The following PRDM15 variants were observed in gnomAD, a reference collection of about 807,000 sequenced individuals.
PRDM15 encodes PR domain zinc finger protein 15.
PRDM15 carries 64 observed loss-of-function variants against 128.6 expected under a neutral mutation model. The ratio of observed to expected loss-of-function variants is 0.50; its 90% CI spans 0.41 to 0.61. The LOEUF is 0.61. PRDM15 is among the 20% of genes least tolerant of loss of function. PRDM15 has a pLI of 0.00. For missense variants in PRDM15, 1,242 were observed against 1,569.1 expected, an observed-to-expected ratio of 0.79 and a Z score of 3.52; for synonymous variants, 615 against 621.8, an observed-to-expected ratio of 0.99 and a Z score of 0.16.
chr21:41,801,461 C>A lies in PRDM15; in HGVS notation c.3205G>T (p.Ala1069Ser). 6.2e-7 allele frequency: 1 copy of A among 1,614,200 alleles called. No homozygotes were observed. ...TGGGCCACAGACTGTGGGTTCGAGG[C>A]TTCCGGCTGGGGGTGGATCTGGACG... ...NDVQIHPQPE[A>S]SNPQSVAHFI... Residue 1069 changes from alanine to serine, a missense_variant, in exon 24 of 24, where the codon GCC (alanine) becomes TCC (serine). Transcript: ENST00000398548.
intron 7 of PRDM15, among the ~76,000 whole-genome samples, chr21:41,838,407 T>C (rs2062965706): frequency 6.6e-6 from 1 of 152,242 alleles, no homozygotes; most frequent in African/African-American, 2.4e-5. Flanking sequence ...ACATCAATTC[T>C]GACAGAGTTT....
intron 1 of PRDM15, chr21:41,872,040 T>C (rs181759173): frequency 1.3e-3 from 202 of 155,512 alleles, no homozygotes; most frequent in Admixed American, 2.4e-3. Context: ...AGCTATTATA[T>C]AGCTAGAAAT....
At position 41,836,493 on chromosome 21, in the gene PRDM15, G is replaced by A. The variant is rs765444752; in HGVS notation, c.1158C>T (p.Asn386=). The change falls in exon 9 of 24, where the codon AAC becomes AAT. Residue 386 remains asparagine, a synonymous_variant. Coordinates refer to ENST00000398548, the MANE Select transcript of PRDM15 (RefSeq NM_001040424.3). ...ICSKIFQNSS[N]LSRHVRSHGD... ...CATGCGAGCGCACGTGCCTGCTCAG[G>A]TTGCTGCTGTTCTGGAAGATCTTGC... 3 of 1,611,918 alleles carry A rather than the reference G, an allele frequency of 1.9e-6. No individual in the cohort carries two copies. In the South Asian group the frequency reaches 3.3e-5, roughly 18 times the overall value.
intron 18 of PRDM15, among the ~76,000 whole-genome samples, chr21:41,818,481 TC>T (rs1294878428): frequency 6.6e-6 from 1 of 151,808 alleles, no homozygotes; most frequent in Non-Finnish European, 1.5e-5. Context: ...CCATGTGCCG[TC>T]CTTGCGCAAA....
At position 41,810,513 on chromosome 21, in the gene PRDM15, G is replaced by T; in HGVS notation, c.2477-184C>A. ...GAGCACAGAGCCTCTGTCCCTTGGG[G>T]AGCACTGCCAGCAGCAGCTGCATCA... On this transcript the variant is annotated intron_variant, in intron 20 of 23. Transcript: ENST00000398548. The surrounding 1 kb of genome is among the most constrained non-coding windows in gnomAD (Gnocchi z 6.4). 1.5e-6 allele frequency: 1 copy of T among 673,398 alleles called. No homozygotes were observed. Among genetic ancestry groups the T allele is most frequent in the Non-Finnish European group, 2.5e-6 (1 of 399,978 alleles). 41.7% of individuals were successfully genotyped at this position (673,398 alleles called of 1,614,324 possible). A position where few individuals can be genotyped will look rare whatever the true frequency, so the allele number is the denominator to read the frequency against.
intron 1 of PRDM15, among the ~76,000 whole-genome samples, chr21:41,867,800 T>TTACA (rs2064066104): frequency 6.6e-6 from 1 of 152,194 alleles, no homozygotes; most frequent in Admixed American, 6.5e-5. Context: ...CTCATGCTTG[T>TTACA]AATCCCAGCA....
chr21:41,848,834 G>A (rs547250504), intron 5 of PRDM15, among the ~76,000 whole-genome samples: 2 of 152,108 alleles, frequency 1.3e-5, no homozygotes, highest in South Asian at 2.1e-4. Flanking sequence ...AAGCACTCAG[G>A]GTTTTCCGAA....
chr21:41,854,514 C>G lies in PRDM15; in HGVS notation c.538+52G>C, dbSNP rs1164442912. ...GCACAGAGCCAAGGGACCATAACCC[C>G]TTCGGCGAGGCACAAGGGAAGGTGG... On this transcript the variant is annotated intron_variant, in intron 5 of 23. Transcript: ENST00000398548. This position sits in a 1 kb window ranked among gnomAD's most constrained non-coding sequence, Gnocchi z 4.6. 6.2e-6 allele frequency: 10 copies of G among 1,602,180 alleles called. No homozygotes were observed. The highest frequency in any genetic ancestry group is 2.7e-5 in the African/African-American group (2 of 75,000).
chr21:41,814,015 TGTTTTATGAGAATGCCTC>T (rs2061954373), intron 19 of PRDM15: 1 of 151,246 alleles, frequency 6.6e-6, no homozygotes, highest in Non-Finnish European at 1.5e-5. Flanking sequence ...GGTGCTCTAG[TGTTTTATGAGAATGCCTC>T]GTGTTAGTGA....
chr21:41,859,632 C>T lies in PRDM15; in HGVS notation c.91G>A (p.Val31Met). 1 of 1,614,068 alleles carries T rather than the reference C, an allele frequency of 6.2e-7. No homozygotes were observed. Residue 31 changes from valine (V) to methionine (M), a missense_variant, in exon 3 of 24, where the codon GTG becomes ATG. Physicochemically the swap from Val to Met is conservative, Grantham distance 21. Transcript: ENST00000398548. The surrounding 1 kb of genome is among the most constrained non-coding windows in gnomAD (Gnocchi z 5.3). ...ACAAAGGAGTCTTTGACCATGACCACTGGGCCCAGCTCGGGACATTCGGAG... is the reference window on the plus strand; with the variant it reads ...ACAAAGGAGTCTTTGACCATGACCATTGGGCCCAGCTCGGGACATTCGGAG... Reference protein sequence around the residue: ...HDSECPELGPVVMVKDSFVLS... With the variant: ...HDSECPELGPMVMVKDSFVLS...
chr21:41,806,057 C>T (rs201993371), intron 21 of PRDM15, among the ~76,000 whole-genome samples: 48 of 3,598 alleles, frequency 0.013, no homozygotes, highest in South Asian at 0.017. Flanking sequence ...ACCACCACCA[C>T]CATCACCATC....
At chr21:41,861,965 G>C (rs758650489) in intron 1 of PRDM15, 2 of 1,614,018 alleles carry the variant, frequency 1.2e-6, no homozygotes, top group Non-Finnish European at 1.7e-6. Flanking sequence ...TAGCAAGTGT[G>C]ACTCAGTTTC....
chr21:41,856,840 G>A (rs1463067269), intron 4 of PRDM15, among the ~76,000 whole-genome samples: 1 of 152,174 alleles, frequency 6.6e-6, no homozygotes, highest in Non-Finnish European at 1.5e-5. Flanking sequence ...TAACTAGAGC[G>A]ATGGGCCCCT....
In PRDM15 at chr21:41,802,795, A is replaced by G; in HGVS notation, c.2860T>C (p.Phe954Leu). ...AGAPVPEDATFSEYSEKETEF... is the reference protein window; with the variant it reads ...AGAPVPEDATLSEYSEKETEF... ...GTCTCTTTCTCTGAGTATTCGCTGA[A>G]GGTGGCGTCCTCGGGCACCGGAGCA... The change falls in exon 23 of 24, where the codon TTC becomes CTC. Residue 954 changes from phenylalanine (F) to leucine (L), a missense_variant. Physicochemically the swap from Phe to Leu is conservative, Grantham distance 22 (BLOSUM62 0). Coordinates refer to ENST00000398548, the MANE Select transcript of PRDM15 (RefSeq NM_001040424.3). 2 of 1,614,210 alleles carry G rather than the reference A, an allele frequency of 1.2e-6. No individual in the cohort carries two copies. The highest frequency in any genetic ancestry group is 8.5e-7 in the Non-Finnish European group (1 of 1,180,032).
rs112751858 is a variant in PRDM15, at chr21:41,828,763, AC to A, written c.1367-431del. ...CAACCAACCACCCGAGCAACTGACC[AC>A]CCGACCAATGTGGCCGCCCCTGCCC... is the stretch of plus-strand genomic sequence containing the variant. On this transcript the variant is annotated intron_variant, in intron 11 of 23. Transcript: ENST00000398548. This position sits in a 1 kb window ranked among gnomAD's most constrained non-coding sequence, Gnocchi z 5.7. Among the ~76,000 whole-genome samples, 85,827 of 151,530 alleles carry A rather than the reference AC, an allele frequency of 0.57. 24,662 individuals are homozygous for A. The highest frequency in any genetic ancestry group is 0.65 in the Admixed American group (9,887 of 15,258).
At chr21:41,841,400 T>G (rs536335054) in intron 6 of PRDM15, among the ~76,000 whole-genome samples, 1 of 152,204 alleles carries the variant, frequency 6.6e-6, no homozygotes, top group South Asian at 2.1e-4. Flanking sequence ...AACCCAAAAT[T>G]CAATATCCGG....
At chr21:41,869,101 T>C (rs1007294884) in intron 1 of PRDM15, among the ~76,000 whole-genome samples, 1 of 152,154 alleles carries the variant, frequency 6.6e-6, no homozygotes, top group Non-Finnish European at 1.5e-5. Context: ...ATTTTCTCCC[T>C]GTCTGGGGCT....
rs1460406251 is a variant in PRDM15 at position 41,830,147 on chromosome 21, CCACA to C, written c.1367-1818_1367-1815del. ...CAAAAATACACATTCAACACACACC[CCACA>C]CAAATACACACACAACACACACATT... On this transcript the variant is annotated intron_variant, in intron 11 of 23. Transcript: ENST00000398548. 7.6e-3 allele frequency among the ~76,000 whole-genome samples: 1,150 copies of C among 150,872 alleles called. 20 individuals are homozygous for C. The highest frequency in any genetic ancestry group is 0.026 in the African/African-American group (1,075 of 41,120).
In PRDM15 at chr21:41,821,288, A is replaced by G. The variant is rs2062253379; in HGVS notation, c.1897-58T>C. 1.9e-6 allele frequency: 3 copies of G among 1,599,918 alleles called. No homozygotes were observed. The highest frequency in any genetic ancestry group is 1.7e-5 in the Admixed American group (1 of 59,726). On this transcript the variant is annotated intron_variant, in intron 15 of 23. Transcript: ENST00000398548. The surrounding 1 kb of genome is among the most constrained non-coding windows in gnomAD (Gnocchi z 5.4). ...CCCGCATGAGGTCCCTGGTCCTCTT[A>G]GCTAATGAGGTCGTGTCCACAAACC...
Sources: gnomAD v4.1 joint callset for allele counts (sites outside exome capture counted in the v4.1 genomes callset) on GRCh38, gnomAD v4.1.1 for gene constraint, Gnocchi (gnomAD v3.1) non-coding constraint, MANE v1.5 for transcripts, NCBI Gene and HGNC (gene_info 2026-07-23, HGNC 2026-07-21) for gene names.